Variants in KCTD19 observed in about 807,000 individuals in gnomAD.
KCTD19 encodes BTB/POZ domain-containing protein KCTD19.
Under a neutral mutation model 103.5 loss-of-function variants are expected in KCTD19, and 67 were observed. The observed-to-expected ratio is 0.65, with a 90% CI of 0.53 to 0.79. KCTD19 has a LOEUF of 0.79. Ranked by LOEUF, KCTD19 falls within the 30% of genes least tolerant of loss-of-function variation. The pLI, the probability that KCTD19 is intolerant of heterozygous loss-of-function variation, is 0.00. For missense variants in KCTD19, 980 were observed against 1,136.1 expected (o/e 0.86, Z 1.98); for synonymous variants, 439 against 452.2 (o/e 0.97, Z 0.37).
intron 6 of KCTD19, among the ~76,000 whole-genome samples, chr16:67,298,444 G>T (rs2036793933): frequency 6.6e-6 from 1 of 152,080 alleles, no homozygotes; most frequent in East Asian, 1.9e-4. Flanking sequence ...CCGGTTCCAG[G>T]GCCAGCCCAG....
At chr16:67,295,178 G>A (rs1244288838) in intron 9 of KCTD19, 85 bp downstream of exon 9, 2 of 1,579,370 alleles carry the variant, frequency 1.3e-6, no homozygotes, top group African/African-American at 2.7e-5. Context: ...CCTCCTCCCT[G>A]AAGGCTGCAA....
chr16:67,309,853 C>CT (rs2036931799), intron 2 of KCTD19, among the ~76,000 whole-genome samples: 1 of 152,154 alleles, frequency 6.6e-6, no homozygotes, highest in African/African-American at 2.4e-5. Flanking sequence ...AGAGAATGAT[C>CT]TATTTTGCAG....
At chr16:67,296,882 C>T (rs894155691) in intron 7 of KCTD19, among the ~76,000 whole-genome samples, 12 of 152,212 alleles carry the variant, frequency 7.9e-5, no homozygotes, top group South Asian at 2.1e-4. Flanking sequence ...AGAACTAGAC[C>T]GTGAACTCCA....
Position 67,303,275 on chromosome 16 carries a change from C to G in KCTD19, c.514G>C (p.Val172Leu). ...TCTAGGGGCAGGAAGCAGTAGTGCA[C>G]CTCCTCTTCTGTGTCTAACAGGGGT... ...DTPLLDTEEE[V>L]HYCFLPLDLV... The change falls in exon 4 of 16, where the codon GTG becomes CTG. Residue 172 changes from valine to leucine, a missense_variant. By Grantham distance (32) the Val-to-Leu change is conservative. Transcript: ENST00000304372. This position sits in a 1 kb window ranked among gnomAD's most constrained non-coding sequence, Gnocchi z 4.3. The G allele has an allele frequency of 1.9e-6, 3 of 1,614,122 alleles. No homozygotes were observed. Among genetic ancestry groups the G allele is most frequent in the Non-Finnish European group, 2.5e-6 (3 of 1,179,994 alleles).
intron 2 of KCTD19, among the ~76,000 whole-genome samples, chr16:67,315,268 A>G (rs1378608609): frequency 1.3e-5 from 2 of 151,474 alleles, no homozygotes; most frequent in Non-Finnish European, 2.9e-5. Context: ...AAGTGGGCCA[A>G]CGAGCCACTA....
chr16:67,314,824 TATATATAGAGAGAGAGAGAGAGAG>T (rs1365501523), intron 2 of KCTD19, among the ~76,000 whole-genome samples: 2 of 61,186 alleles, frequency 3.3e-5, no homozygotes, highest in African/African-American at 7.0e-5. Context: ...TATATATATA[TATATATAGAGAGAGAGAGAGAGAG>T]AGAGAGAGAG....
At chr16:67,306,696 G>A (rs1410660205) in intron 2 of KCTD19, among the ~76,000 whole-genome samples, 1 of 152,146 alleles carries the variant, frequency 6.6e-6, no homozygotes, top group East Asian at 1.9e-4. Flanking sequence ...AGTGCTTCCT[G>A]TTGCTATGGG....
In KCTD19 at chr16:67,289,588, T is replaced by C. The variant is rs781589008; in HGVS notation, c.2762A>G (p.Lys921Arg). The C allele has an allele frequency of 1.9e-6, 3 of 1,613,070 alleles. No individual in the cohort carries two copies. Among genetic ancestry groups the C allele is most frequent in the East Asian group, 2.2e-5 (1 of 44,874 alleles). The part of the protein sequence containing the change: ...SRSVSYSILG[K>R]YLQED ...GGCACCCTAGTCCTCTTGTAGGTAC[T>C]TTCCCAGGATGGAGTAAGAGACAGA... The change falls in exon 16 of 16, where the codon AAG becomes AGG. Residue 921 changes from lysine to arginine, a missense_variant. Lys to Arg is a conservative substitution (Grantham distance 26). Coordinates refer to ENST00000304372, the MANE Select transcript of KCTD19 (RefSeq NM_001100915.3).
intron 2 of KCTD19, among the ~76,000 whole-genome samples, chr16:67,310,942 G>GC (rs2036942714): frequency 6.6e-6 from 1 of 152,206 alleles, no homozygotes; most frequent in Non-Finnish European, 1.5e-5. Flanking sequence ...GCTGCTGTCA[G>GC]CCCCCAAAGC....
At position 67,303,027 on chromosome 16, in the gene KCTD19, G is replaced by A. The variant is rs2036851447; in HGVS notation, c.643+119C>T. The A allele has an allele frequency of 2.2e-6, 2 of 916,024 alleles. No homozygotes were observed. Among genetic ancestry groups the A allele is most frequent in the African/African-American group, 3.3e-5 (2 of 59,742 alleles). The allele number at this position is 916,024 out of a possible 1,614,324, so 56.7% of individuals were successfully genotyped here. On this transcript the variant is annotated intron_variant, in intron 4 of 15. Coordinates refer to ENST00000304372, the MANE Select transcript of KCTD19 (RefSeq NM_001100915.3). The surrounding 1 kb of genome is among the most constrained non-coding windows in gnomAD (Gnocchi z 4.3). ...GCTCTGTCATGCTTCCGCTACCTCT[G>A]CCCAGGGAAGCTCCTGAGGCCCTGA...
intron 6 of KCTD19, among the ~76,000 whole-genome samples, 168 bp from the exon 7 acceptor site, chr16:67,297,831 G>A (rs1056257143): frequency 5.3e-5 from 8 of 151,732 alleles, no homozygotes; most frequent in Admixed American, 1.3e-4. Flanking sequence ...TCACTCTGTC[G>A]CCAGGCTGAA....
chr16:67,292,997 C>T (rs987868356), intron 12 of KCTD19, among the ~76,000 whole-genome samples: 4 of 152,136 alleles, frequency 2.6e-5, no homozygotes, highest in Admixed American at 6.5e-5. Flanking sequence ...CAAGTGGCTT[C>T]GAATACCTAG....
Position 67,320,514 on chromosome 16 carries a change from A to G in KCTD19, c.300+75T>C. The G allele has an allele frequency of 1.4e-6, 2 of 1,431,508 alleles. No individual in the cohort carries two copies. Among genetic ancestry groups the G allele is most frequent in the South Asian group, 2.6e-5 (2 of 76,630 alleles). 88.7% of individuals were successfully genotyped at this position (1,431,508 alleles called of 1,614,324 possible). Reference sequence around the variant, plus strand: ...AGAGGGTCATCTCAGCAACCAATATATAACAGGAAACAATATTTAGTGATG... The same window carrying G: ...AGAGGGTCATCTCAGCAACCAATATGTAACAGGAAACAATATTTAGTGATG... On this transcript the variant is annotated intron_variant, in intron 2 of 15. Transcript: ENST00000304372. The surrounding 1 kb of genome is among the most constrained non-coding windows in gnomAD (Gnocchi z 4.0).
At chr16:67,310,304 C>G (rs2036936424) in intron 2 of KCTD19, among the ~76,000 whole-genome samples, 1 of 152,182 alleles carries the variant, frequency 6.6e-6, no homozygotes, top group Admixed American at 6.6e-5. Context: ...CCTGTGGGGT[C>G]TCAATACCTT....
At chr16:67,296,964 C>T (rs933830736) in intron 7 of KCTD19, among the ~76,000 whole-genome samples, 6 of 152,172 alleles carry the variant, frequency 3.9e-5, no homozygotes, top group Admixed American at 6.5e-5. Flanking sequence ...GGTATATGAC[C>T]GGTACTCAAT....
rs1157336803 is a variant in KCTD19, at chr16:67,320,666, G to A, written c.223C>T (p.Leu75Phe). The change falls in exon 2 of 16, where the codon CTC becomes TTC. Residue 75 changes from leucine to phenylalanine, a missense_variant. Leu to Phe is a conservative substitution (Grantham distance 22). Coordinates refer to ENST00000304372, the MANE Select transcript of KCTD19 (RefSeq NM_001100915.3). The surrounding 1 kb of genome is among the most constrained non-coding windows in gnomAD (Gnocchi z 4.0). The stretch of plus-strand genomic sequence containing the variant: ...AGTTCTGCACAACTGGAGAAGGAGA[G>A]TTTGGAGGTGTAGAGGTAATAGTGC... ...HVHYYLYTSKLSFSSCAELNL... is the reference protein window; with the variant it reads ...HVHYYLYTSKFSFSSCAELNL... 1.2e-6 allele frequency: 2 copies of A among 1,614,104 alleles called. No homozygotes were observed. Among genetic ancestry groups the A allele is most frequent in the African/African-American group, 1.3e-5 (1 of 74,938 alleles).
intron 12 of KCTD19, among the ~76,000 whole-genome samples, chr16:67,292,806 C>T (rs1306853150): frequency 2.0e-5 from 3 of 152,126 alleles, no homozygotes; most frequent in Non-Finnish European, 4.4e-5. Flanking sequence ...GGATGTCCCT[C>T]GGCATTTCAC....
chr16:67,293,618 G>T lies in KCTD19; in HGVS notation c.2144C>A (p.Thr715Asn), dbSNP rs757942684. The T allele has an allele frequency of 8.1e-6, 13 of 1,613,874 alleles. No individual in the cohort carries two copies. In the Admixed American group the frequency reaches 1.8e-4, roughly 23 times the overall value. Residue 715 changes from threonine (T) to asparagine (N), a missense_variant, in exon 12 of 16, where the codon ACC (threonine) becomes AAC (asparagine). Physicochemically the swap from Thr to Asn is moderately conservative, Grantham distance 65. Transcript: ENST00000304372. The surrounding 1 kb of genome is among the most constrained non-coding windows in gnomAD (Gnocchi z 4.0). ...TTTTGGGGGTAAGTATGGCTTGAAGGTTGGCTCTGGCCCCTTGTCTTTCGC... is the reference window on the plus strand; with the variant it reads ...TTTTGGGGGTAAGTATGGCTTGAAGTTTGGCTCTGGCCCCTTGTCTTTCGC... The part of the protein sequence containing the change: ...AGAKDKGPEP[T>N]FKPYLPPKRA...
At chr16:67,292,668 G>T (rs1381906824) in intron 12 of KCTD19, among the ~76,000 whole-genome samples, 1 of 152,104 alleles carries the variant, frequency 6.6e-6, no homozygotes, top group Non-Finnish European at 1.5e-5. Flanking sequence ...CTTTGAGGGA[G>T]CAGAGGCAGC....
Sources: allele counts gnomAD v4.1 joint callset (sites outside exome capture counted in the v4.1 genomes callset), GRCh38; gene constraint gnomAD v4.1.1; non-coding constraint Gnocchi (gnomAD v3.1); transcripts MANE v1.5; gene names NCBI Gene and HGNC (gene_info 2026-07-23, HGNC 2026-07-21).